AGMO: variants seen among roughly 807,000 people sequenced by gnomAD.
The protein encoded by AGMO is alkylglycerol monooxygenase, also known as glyceryl-ether monooxygenase.
AGMO carries 75 observed loss-of-function variants against 60.2 expected under a neutral mutation model. That is an observed-to-expected ratio of 1.25 (90% confidence interval 1.03 to 1.51). The LOEUF is 1.51. Among genes scored for constraint, AGMO ranks in the 40% most tolerant of loss-of-function variants. The pLI is 0.00. For synonymous variants in AGMO, 261 were observed against 177.1 expected, an observed-to-expected ratio of 1.47 and a Z score of -3.76; for missense variants, 763 against 525.5, an observed-to-expected ratio of 1.45 and a Z score of -4.42.
intron 12 of AGMO, among the ~76,000 whole-genome samples, chr7:15,233,214 TTTGGA>T (rs1782309539): frequency 3.3e-5 from 5 of 152,234 alleles, no homozygotes; most frequent in Admixed American, 1.3e-4. Flanking sequence ...ACTTTTTTAA[TTTGGA>T]CTACTGTTAA....
chr7:15,282,149 CT>C (rs1427282673), intron 12 of AGMO, among the ~76,000 whole-genome samples: 1 of 152,040 alleles, frequency 6.6e-6, no homozygotes, highest in Non-Finnish European at 1.5e-5. Context: ...AAAAATACTT[CT>C]GGTAATATGA....
intron 3 of AGMO, among the ~76,000 whole-genome samples, chr7:15,507,848 T>G (rs1783559896): frequency 6.6e-6 from 1 of 152,104 alleles, no homozygotes; most frequent in South Asian, 2.1e-4. Context: ...GTGAATGCAC[T>G]GATACCATGT....
At chr7:15,228,340 A>C (rs1442484779) in intron 12 of AGMO, among the ~76,000 whole-genome samples, 1 of 152,140 alleles carries the variant, frequency 6.6e-6, no homozygotes, top group East Asian at 1.9e-4. Flanking sequence ...GAACATCTAC[A>C]AGATTCATAG....
At chr7:15,347,602 T>G (rs1313359687) in intron 12 of AGMO, among the ~76,000 whole-genome samples, 1 of 127,290 alleles carries the variant, frequency 7.9e-6, no homozygotes, top group Non-Finnish European at 1.6e-5. Flanking sequence ...CAGTCCGAAC[T>G]CACTGATTTC....
intron 3 of AGMO, among the ~76,000 whole-genome samples, chr7:15,474,458 A>G (rs1782537839): frequency 6.6e-6 from 1 of 152,294 alleles, no homozygotes; most frequent in African/African-American, 2.4e-5. Flanking sequence ...AAGATTCCCT[A>G]TTTAATAACT....
the AGMO span, among the ~76,000 whole-genome samples, chr7:15,163,709 G>T: frequency 6.6e-6 from 1 of 151,882 alleles, no homozygotes; most frequent in Non-Finnish European, 1.5e-5. Context: ...TTATATGTTG[G>T]ATTCAGTTTG....
At chr7:15,431,813 T>C (rs1781248701) in intron 3 of AGMO, among the ~76,000 whole-genome samples, 1 of 151,820 alleles carries the variant, frequency 6.6e-6, no homozygotes, top group South Asian at 2.1e-4. Flanking sequence ...TCAAGCACTA[T>C]ACAGATTGCT....
chr7:15,228,060 T>C (rs1391165496), intron 12 of AGMO, among the ~76,000 whole-genome samples: 1 of 152,178 alleles, frequency 6.6e-6, no homozygotes, highest in Non-Finnish European at 1.5e-5. Context: ...TTCTTATTCA[T>C]GCATATAAAC....
intron 4 of AGMO, among the ~76,000 whole-genome samples, chr7:15,430,162 T>A (rs1781186736): frequency 6.6e-6 from 1 of 152,002 alleles, no homozygotes; most frequent in South Asian, 2.1e-4. Flanking sequence ...TAGTACGTAC[T>A]TATTAAATGG....
At chr7:15,284,435 A>G (rs1187681389) in intron 12 of AGMO, among the ~76,000 whole-genome samples, 3 of 152,140 alleles carry the variant, frequency 2.0e-5, no homozygotes, top group Admixed American at 6.5e-5. Flanking sequence ...TGAGACTACC[A>G]TAAACACTTT....
intron 12 of AGMO, among the ~76,000 whole-genome samples, chr7:15,352,091 C>G (rs755522848): frequency 9.2e-5 from 14 of 152,134 alleles, no homozygotes; most frequent in African/African-American, 2.7e-4. Flanking sequence ...AACAAATGCT[C>G]TTTTACCATT....
chr7:15,169,476 C>A, the AGMO span, among the ~76,000 whole-genome samples: 1 of 151,754 alleles, frequency 6.6e-6, no homozygotes, highest in African/African-American at 2.4e-5. Flanking sequence ...GCTCTGTCAC[C>A]CCCAGAGTAT....
intron 3 of AGMO, among the ~76,000 whole-genome samples, chr7:15,443,797 A>C (rs1271282544): frequency 3.3e-5 from 5 of 152,220 alleles, no homozygotes. Context: ...CATAAACATT[A>C]TATTGAAAAA....
intron 12 of AGMO, among the ~76,000 whole-genome samples, chr7:15,209,157 C>T (rs1427587629): frequency 6.6e-6 from 1 of 152,140 alleles, no homozygotes; most frequent in Non-Finnish European, 1.5e-5. Flanking sequence ...CAGTGTATTC[C>T]AAAGAGCAAA....
At chr7:15,271,641 A>G (rs530317914) in intron 12 of AGMO, among the ~76,000 whole-genome samples, 1 of 152,238 alleles carries the variant, frequency 6.6e-6, no homozygotes, top group Non-Finnish European at 1.5e-5. Flanking sequence ...CTCTTTTTCA[A>G]TTTGGATGCC....
intron 12 of AGMO, among the ~76,000 whole-genome samples, chr7:15,299,621 T>C (rs1230046332): frequency 6.6e-6 from 1 of 151,350 alleles, no homozygotes; most frequent in Admixed American, 6.6e-5. Context: ...AGCTCAGGAG[T>C]TCTAGAGCAG....
At chr7:15,511,659 A>G (rs1783676497) in intron 3 of AGMO, among the ~76,000 whole-genome samples, 1 of 152,212 alleles carries the variant, frequency 6.6e-6, no homozygotes, top group Non-Finnish European at 1.5e-5. Context: ...AAAAGTAACT[A>G]TGTGAGGTAA....
At chr7:15,365,386 A>AAAAAAAAAAAAAAAAAAAAAAAAAAAG (rs1782933556) in intron 12 of AGMO, 128 bp downstream of exon 12, 1 of 459,764 alleles carries the variant, frequency 2.2e-6, no homozygotes, top group Non-Finnish European at 3.8e-6. Context: ...TAAGTAAAAA[A>AAAAAAAAAAAAAAAAAAAAAAAAAAAG]AAAAAAAAAG....
chr7:15,387,991 T>G (rs1367442866), intron 8 of AGMO, among the ~76,000 whole-genome samples: 2 of 149,576 alleles, frequency 1.3e-5, no homozygotes, highest in Non-Finnish European at 1.5e-5. Flanking sequence ...CACTACAACC[T>G]CTGCCTCCTG....
Sources: gnomAD v4.1 joint callset for allele counts (sites outside exome capture counted in the v4.1 genomes callset) on GRCh38, gnomAD v4.1.1 for gene constraint, MANE v1.5 for transcripts, NCBI Gene and HGNC (gene_info 2026-07-23, HGNC 2026-07-21) for gene names.